The following PURB variants were observed in gnomAD, a reference collection of about 807,000 sequenced individuals.
PURB encodes purine rich element binding protein B, also known as transcriptional regulator protein Pur-beta.
PURB carries 11 observed loss-of-function variants against 21.1 expected under a neutral mutation model. That is an observed-to-expected ratio of 0.52 (90% CI 0.33 to 0.86). The LOEUF (loss-of-function observed/expected upper bound fraction) is 0.86. Among genes scored for constraint, PURB ranks in the 40% least tolerant of loss-of-function variants. The pLI, the probability that PURB is intolerant of heterozygous loss-of-function variation, is 0.02. For missense variants in PURB, 357 were observed against 456.5 expected (o/e 0.78, Z 1.99); for synonymous variants, 246 against 210.8 (o/e 1.17, Z -1.45).
chr7:44,884,173 G>C lies in PURB; in HGVS notation c.*237C>G, dbSNP rs1412675373. 2 of 916,924 alleles carry C rather than the reference G, an allele frequency of 2.2e-6. No individual in the cohort carries two copies. The highest frequency in any genetic ancestry group is 3.2e-6 in the Non-Finnish European group (2 of 634,344). 56.8% of individuals were successfully genotyped at this position (916,924 alleles called of 1,614,324 possible). A position where few individuals can be genotyped will look rare whatever the true frequency, so the allele number is the denominator to read the frequency against. The stretch of plus-strand genomic sequence containing the variant: ...TGAGACAATTTTACGCAGGTGAGGA[G>C]ATGCTGTTTTCCTCTTTGCAGGTTG... On this transcript the variant is annotated 3_prime_UTR_variant, in exon 1 of 1. Transcript: ENST00000395699.
At position 44,884,954 on chromosome 7, in the gene PURB, T is replaced by C; in HGVS notation, c.395A>G (p.Tyr132Cys). Residue 132 changes from tyrosine (Y) to cysteine (C), a missense_variant, in exon 1 of 1, where the codon TAC becomes TGC. By Grantham distance (194) the Tyr-to-Cys change is radical. Transcript: ENST00000395699. ...GCGCTGGTTCTCCTTGAGGTCCAGG[T>C]AGTACTTGCGGTTCTCACGCACCAA... is the stretch of plus-strand genomic sequence containing the variant. Reference protein sequence around the residue: ...EFLVRENRKYYLDLKENQRGR... With the variant: ...EFLVRENRKYCLDLKENQRGR... 6.3e-7 allele frequency: 1 copy of C among 1,582,400 alleles called. No homozygotes were observed. Among genetic ancestry groups the C allele is most frequent in the Non-Finnish European group, 8.6e-7 (1 of 1,166,784 alleles).
At position 44,882,885 on chromosome 7, in the gene PURB, T is replaced by C. The variant is rs1216814874; in HGVS notation, c.*1525A>G. 1 of 152,194 alleles carries C rather than the reference T, an allele frequency of 6.6e-6. No individual in the cohort carries two copies. The highest frequency in any genetic ancestry group is 1.5e-5 in the Non-Finnish European group (1 of 68,032). 9.4% of individuals were successfully genotyped at this position (152,194 alleles called of 1,614,324 possible). A position where few individuals can be genotyped will look rare whatever the true frequency, so the allele number is the denominator to read the frequency against. On this transcript the variant is annotated 3_prime_UTR_variant, in exon 1 of 1. Transcript: ENST00000395699. ...TTTGATGGGGTGGGATTAACTTGAT[T>C]AGTAAAAATCATTTCTACTGAAAAT...
rs1793880870 is a variant in PURB at position 44,881,871 on chromosome 7, A to C, written c.*2539T>G. On this transcript the variant is annotated 3_prime_UTR_variant, in exon 1 of 1. Transcript: ENST00000395699. ...TGTGAAGACCCTGTCATTTCTACAGAATAGAAAGGCAAGGCTAGTTACTGC... is the reference window on the plus strand; with the variant it reads ...TGTGAAGACCCTGTCATTTCTACAGCATAGAAAGGCAAGGCTAGTTACTGC... 6.5e-6 allele frequency: 1 copy of C among 154,862 alleles called. No homozygotes were observed. The allele number at this position is 154,862 out of a possible 1,614,324, so 9.6% of individuals were successfully genotyped here.
Position 44,884,830 on chromosome 7 carries a change from C to A in PURB, c.519G>T (p.Ala173=), listed in dbSNP as rs1383451036. 1 of 1,578,184 alleles carries A rather than the reference C, an allele frequency of 6.3e-7. No individual in the cohort carries two copies. Among genetic ancestry groups the A allele is most frequent in the Admixed American group, 1.9e-5 (1 of 53,112 alleles). ...PGGLQSGQTI[A]LPAQGLIEFR... Reference sequence around the variant, plus strand: ...ACTCGATGAGGCCCTGCGCAGGCAGCGCGATGGTCTGGCCGCTCTGCAAGC... The same window carrying A: ...ACTCGATGAGGCCCTGCGCAGGCAGAGCGATGGTCTGGCCGCTCTGCAAGC... The change falls in exon 1 of 1, where the codon GCG becomes GCT. Residue 173 remains alanine (A), a synonymous_variant. Coordinates refer to ENST00000395699, the MANE Select transcript of PURB (RefSeq NM_033224.5).
chr7:44,884,312 C>A lies in PURB; in HGVS notation c.*98G>T. 6.6e-7 allele frequency: 1 copy of A among 1,525,896 alleles called. No individual in the cohort carries two copies. Among genetic ancestry groups the A allele is most frequent in the Non-Finnish European group, 8.7e-7 (1 of 1,144,574 alleles). 94.5% of individuals were successfully genotyped at this position (1,525,896 alleles called of 1,614,324 possible). ...TTTTTTCCCTCTGCGGCCTCCCTTG[C>A]TCCCTCTCCACTAGCTCACTGGGGA... is the stretch of plus-strand genomic sequence containing the variant. On this transcript the variant is annotated 3_prime_UTR_variant, in exon 1 of 1. Transcript: ENST00000395699.
Position 44,885,323 on chromosome 7 carries a change from T to TGGAACC in PURB, c.25_26insGGTTCC (p.Glu9delinsGlyPheGln). On this transcript the variant is annotated protein_altering_variant, in exon 1 of 1. Transcript: ENST00000395699. ...GCACGGCCCACCGCCGCCGCCGCGCTCGCTGCCGCTGTCGCCGTCCGCCAT... is the reference window on the plus strand; with the variant it reads ...GCACGGCCCACCGCCGCCGCCGCGCTGGAACCCGCTGCCGCTGTCGCCGTCCGCCAT... The TGGAACC allele has an allele frequency of 7.6e-7, 1 of 1,320,470 alleles. No individual in the cohort carries two copies. Among genetic ancestry groups the TGGAACC allele is most frequent in the Non-Finnish European group, 9.6e-7 (1 of 1,040,720 alleles). 81.8% of individuals were successfully genotyped at this position (1,320,470 alleles called of 1,614,324 possible). A position where few individuals can be genotyped will look rare whatever the true frequency, so the allele number is the denominator to read the frequency against.
In PURB at chr7:44,880,415, C is replaced by T. The variant is rs1324853824; in HGVS notation, c.*3995G>A. Reference sequence around the variant, plus strand: ...AAAACAAAATTTACAGTGAAGAATACTTATGTGCATGGCTTACACACTCCA... The same window carrying T: ...AAAACAAAATTTACAGTGAAGAATATTTATGTGCATGGCTTACACACTCCA... On this transcript the variant is annotated 3_prime_UTR_variant, in exon 1 of 1. Transcript: ENST00000395699. 6.6e-6 allele frequency: 1 copy of T among 152,650 alleles called. No individual in the cohort carries two copies. Among genetic ancestry groups the T allele is most frequent in the African/African-American group, 2.4e-5 (1 of 41,456 alleles). The allele number at this position is 152,650 out of a possible 1,614,324, so 9.5% of individuals were successfully genotyped here.
chr7:44,881,701 G>C lies in PURB; in HGVS notation c.*2709C>G, dbSNP rs1036721399. The C allele has an allele frequency of 2.0e-5, 3 of 153,752 alleles. No homozygotes were observed. The highest frequency in any genetic ancestry group is 4.4e-5 in the Non-Finnish European group (3 of 68,188). The allele number at this position is 153,752 out of a possible 1,614,324, so 9.5% of individuals were successfully genotyped here. A position where few individuals can be genotyped will look rare whatever the true frequency, so the allele number is the denominator to read the frequency against. ...TACATATGATATATTACTGTTACAT[G>C]GTCTAATGACTAAGAAAATTTCTCT... On this transcript the variant is annotated 3_prime_UTR_variant, in exon 1 of 1. Transcript: ENST00000395699.
At position 44,883,800 on chromosome 7, in the gene PURB, GCTT is replaced by G. The variant is rs780121820; in HGVS notation, c.*607_*609del. The G allele has an allele frequency of 1.3e-5, 2 of 152,174 alleles. No individual in the cohort carries two copies. The highest frequency in any genetic ancestry group is 2.9e-5 in the Non-Finnish European group (2 of 68,056). 9.4% of individuals were successfully genotyped at this position (152,174 alleles called of 1,614,324 possible). A position where few individuals can be genotyped will look rare whatever the true frequency, so the allele number is the denominator to read the frequency against. On this transcript the variant is annotated 3_prime_UTR_variant, in exon 1 of 1. Coordinates refer to ENST00000395699, the MANE Select transcript of PURB (RefSeq NM_033224.5). ...CAATTTGGTTCTGTATTCTTAGATG[GCTT>G]CTTGAAATCTTATCTTTAACCTGTT...
chr7:44,885,441 G>A lies in PURB; in HGVS notation c.-93C>T, dbSNP rs1442345110. On this transcript the variant is annotated 5_prime_UTR_variant, in exon 1 of 1. Transcript: ENST00000395699. ...GGGGCCCCCCAGCCTCGCCCGCCCG[G>A]CTCGCTCACGCGCTCCCGCCGCTCA... 6 of 318,166 alleles carry A rather than the reference G, an allele frequency of 1.9e-5. No individual in the cohort carries two copies. In the East Asian group the frequency reaches 8.5e-4, roughly 45 times the overall value. The allele number at this position is 318,166 out of a possible 1,614,324, so 19.7% of individuals were successfully genotyped here.
Position 44,881,482 on chromosome 7 carries a change from G to C in PURB, c.*2928C>G, listed in dbSNP as rs1793874861. 1 of 152,558 alleles carries C rather than the reference G, an allele frequency of 6.6e-6. No individual in the cohort carries two copies. Among genetic ancestry groups the C allele is most frequent in the African/African-American group, 2.4e-5 (1 of 41,424 alleles). 9.5% of individuals were successfully genotyped at this position (152,558 alleles called of 1,614,324 possible). ...GCAATCTTCCTGCAGTGGGAAGAGAGGCCATGAACCATCCCTTGCAGGAGA... is the reference window on the plus strand; with the variant it reads ...GCAATCTTCCTGCAGTGGGAAGAGACGCCATGAACCATCCCTTGCAGGAGA... On this transcript the variant is annotated 3_prime_UTR_variant, in exon 1 of 1. Transcript: ENST00000395699.
chr7:44,878,847 T>C lies in PURB; in HGVS notation c.*5563A>G, dbSNP rs1793835910. 6.6e-6 allele frequency: 1 copy of C among 152,344 alleles called. No individual in the cohort carries two copies. The highest frequency in any genetic ancestry group is 1.5e-5 in the Non-Finnish European group (1 of 68,036). The allele number at this position is 152,344 out of a possible 1,614,324, so 9.4% of individuals were successfully genotyped here. A position where few individuals can be genotyped will look rare whatever the true frequency, so the allele number is the denominator to read the frequency against. ...AATCCGTCAGTAATAAAACTGAGTT[T>C]TAAGACTGAGGGCTGGGAAAGGAGA... On this transcript the variant is annotated 3_prime_UTR_variant, in exon 1 of 1. Coordinates refer to ENST00000395699, the MANE Select transcript of PURB (RefSeq NM_033224.5).
In PURB at chr7:44,880,208, C is replaced by T. The variant is rs75513255; in HGVS notation, c.*4202G>A. On this transcript the variant is annotated 3_prime_UTR_variant, in exon 1 of 1. Transcript: ENST00000395699. ...TTCCCCAATCAAAAAGGAGACCGAT[C>T]ACTATATACCAAGAGTGCTGCAGAA... 1.1e-3 allele frequency: 4 copies of T among 3,500 alleles called. No homozygotes were observed. The African/African-American group carries it at 0.015, about 13-fold the overall frequency. 0.2% of individuals were successfully genotyped at this position (3,500 alleles called of 1,614,324 possible). A position where few individuals can be genotyped will look rare whatever the true frequency, so the allele number is the denominator to read the frequency against.
In PURB at chr7:44,885,052, A is replaced by G; in HGVS notation, c.297T>C (p.Pro99=). 5 of 1,561,130 alleles carry G rather than the reference A, an allele frequency of 3.2e-6. No homozygotes were observed. Among genetic ancestry groups the G allele is most frequent in the Non-Finnish European group, 4.3e-6 (5 of 1,156,968 alleles). The stretch of plus-strand genomic sequence containing the variant: ...CAGCCGCCAGCTGCTCGGGGCTGCT[A>G]GGGCCCAGCTGCGCGTAGTGTTCTA... The part of the protein sequence containing the change: ...DFIEHYAQLG[P]SSPEQLAAGA... The change falls in exon 1 of 1, where the codon CCT becomes CCC. Residue 99 remains proline (P), a synonymous_variant. Coordinates refer to ENST00000395699, the MANE Select transcript of PURB (RefSeq NM_033224.5).
rs764408245 is a variant in PURB at position 44,885,289 on chromosome 7, C to G, written c.60G>C (p.Gln20His). Residue 20 changes from glutamine (Q) to histidine (H), a missense_variant, in exon 1 of 1, where the codon CAG becomes CAC. Coordinates refer to ENST00000395699, the MANE Select transcript of PURB (RefSeq NM_033224.5). ...GCTCGCCGCCGCCGCGGGACGCGGG[C>G]TGGAACCCGCACGGCCCACCGCCGC... ...RGGGGGPCGF[Q>H]PASRGGGEQE... 1 of 1,524,972 alleles carries G rather than the reference C, an allele frequency of 6.6e-7. No individual in the cohort carries two copies. The highest frequency in any genetic ancestry group is 8.7e-7 in the Non-Finnish European group (1 of 1,147,410). 94.5% of individuals were successfully genotyped at this position (1,524,972 alleles called of 1,614,324 possible).
chr7:44,884,401 C>A lies in PURB; in HGVS notation c.*9G>T. 6.2e-7 allele frequency: 1 copy of A among 1,610,736 alleles called. No homozygotes were observed. Among genetic ancestry groups the A allele is most frequent in the Middle Eastern group, 1.7e-4 (1 of 6,050 alleles). On this transcript the variant is annotated 3_prime_UTR_variant, in exon 1 of 1. Transcript: ENST00000395699. ...GTTGGGTGGAGGCCTGTAGGGGAAG[C>A]TGCCCGTTTCAATCCTCATCCACCT... is the stretch of plus-strand genomic sequence containing the variant.
In PURB at chr7:44,884,196, T is replaced by C. The variant is rs1235260145; in HGVS notation, c.*214A>G. The C allele has an allele frequency of 1.2e-5, 14 of 1,127,362 alleles. No homozygotes were observed. The highest frequency in any genetic ancestry group is 1.7e-5 in the South Asian group (1 of 58,144). The allele number at this position is 1,127,362 out of a possible 1,614,324, so 69.8% of individuals were successfully genotyped here. On this transcript the variant is annotated 3_prime_UTR_variant, in exon 1 of 1. Transcript: ENST00000395699. ...GAGATGCTGTTTTCCTCTTTGCAGG[T>C]TGCTGTCAGTTCCTTGGAACTTGAC...
At position 44,878,085 on chromosome 7, in the gene PURB, C is replaced by CA. The variant is rs763723645; in HGVS notation, c.*6324dup. 2.0e-5 allele frequency: 3 copies of CA among 152,144 alleles called. No homozygotes were observed. The highest frequency in any genetic ancestry group is 4.4e-5 in the Non-Finnish European group (3 of 68,034). The allele number at this position is 152,144 out of a possible 1,614,324, so 9.4% of individuals were successfully genotyped here. ...TTCCAACCAGCCTGATCTTGCAACTCAGAGTTAAGACTGGGGACGAAATAT... is the reference window on the plus strand; with the variant it reads ...TTCCAACCAGCCTGATCTTGCAACTCAAGAGTTAAGACTGGGGACGAAATAT... On this transcript the variant is annotated 3_prime_UTR_variant, in exon 1 of 1. Transcript: ENST00000395699.
Position 44,885,440 on chromosome 7 carries a change from G to C in PURB, c.-92C>G, listed in dbSNP as rs1793944658. On this transcript the variant is annotated 5_prime_UTR_variant, in exon 1 of 1. Transcript: ENST00000395699. ...CGGGGCCCCCCAGCCTCGCCCGCCC[G>C]GCTCGCTCACGCGCTCCCGCCGCTC... The C allele has an allele frequency of 8.7e-6, 3 of 345,912 alleles. No homozygotes were observed. Among genetic ancestry groups the C allele is most frequent in the Non-Finnish European group, 1.2e-5 (3 of 246,880 alleles). The allele number at this position is 345,912 out of a possible 1,614,324, so 21.4% of individuals were successfully genotyped here.
Sources: gnomAD v4.1 joint callset for allele counts on GRCh38, gnomAD v4.1.1 for gene constraint, MANE v1.5 for transcripts, NCBI Gene and HGNC (gene_info 2026-07-23, HGNC 2026-07-21) for gene names.